Variants in DOCK4 observed in about 807,000 individuals in gnomAD.
DOCK4 encodes the protein dedicator of cytokinesis 4.
In DOCK4, 97 loss-of-function variants were observed where a neutral mutation model predicts 268.1. The observed-to-expected ratio is 0.36, with a 90% CI of 0.31 to 0.43. DOCK4 has a LOEUF of 0.43. Among genes scored for constraint, DOCK4 ranks in the 20% least tolerant of loss-of-function variants. The pLI is 1.00. For missense variants in DOCK4, 2,145 were observed against 2,455.7 expected, an observed-to-expected ratio of 0.87 and a Z score of 2.67; for synonymous variants, 954 against 887.2, an observed-to-expected ratio of 1.08 and a Z score of -1.34.
At chr7:112,061,741 A>ACT (rs1806418915) in intron 1 of DOCK4, among the ~76,000 whole-genome samples, 2 of 79,252 alleles carry the variant, frequency 2.5e-5, no homozygotes, top group African/African-American at 9.0e-5. Context: ...TAACAATGTC[A>ACT]CACACACACA....
intron 1 of DOCK4, among the ~76,000 whole-genome samples, chr7:112,031,840 A>G (rs184211370): frequency 4.1e-4 from 62 of 152,342 alleles, no homozygotes; most frequent in Admixed American, 1.2e-3. Flanking sequence ...GAACATGTCA[A>G]AAAAGTGTCT....
chr7:111,771,812 C>T (rs1384483464), intron 36 of DOCK4, among the ~76,000 whole-genome samples: 1 of 152,198 alleles, frequency 6.6e-6, no homozygotes, highest in Non-Finnish European at 1.5e-5. Context: ...CTAAGGGCCT[C>T]ACAGCTTGTG....
At chr7:112,170,575 T>C (rs949910678) in intron 1 of DOCK4, among the ~76,000 whole-genome samples, 4 of 152,168 alleles carry the variant, frequency 2.6e-5, no homozygotes, top group Non-Finnish European at 4.4e-5. Context: ...ATTACATTCA[T>C]AATGATGACC....
At chr7:111,913,480 G>A (rs1358142409) in intron 13 of DOCK4, among the ~76,000 whole-genome samples, 1 of 145,322 alleles carries the variant, frequency 6.9e-6, no homozygotes, top group African/African-American at 2.6e-5. Flanking sequence ...CGCGATCTCC[G>A]CTCACTGCAA....
intron 8 of DOCK4, among the ~76,000 whole-genome samples, chr7:111,961,491 C>T (rs1293760182): frequency 6.6e-6 from 1 of 152,150 alleles, no homozygotes; most frequent in Non-Finnish European, 1.5e-5. Context: ...ACTGGAATTC[C>T]CTCACCTTTG....
intron 1 of DOCK4, 101 bp from the exon 2 acceptor site, chr7:112,004,232 A>T (rs1246984127): frequency 1.1e-6 from 1 of 870,936 alleles, no homozygotes; most frequent in Non-Finnish European, 1.8e-6. Flanking sequence ...AGGAAGTATA[A>T]TTTGATAGCT....
At chr7:112,126,543 A>G (rs978332986) in intron 1 of DOCK4, among the ~76,000 whole-genome samples, 1 of 152,136 alleles carries the variant, frequency 6.6e-6, no homozygotes, top group African/African-American at 2.4e-5. Flanking sequence ...GCAACAAAAG[A>G]CAAAATTGAC....
At chr7:111,847,796 A>G (rs913539924) in intron 23 of DOCK4, among the ~76,000 whole-genome samples, 9 of 152,064 alleles carry the variant, frequency 5.9e-5, no homozygotes, top group African/African-American at 2.2e-4. Context: ...CTTTTTCTTT[A>G]TAACTTACCC....
At chr7:111,861,858 G>GAA (rs1805563081) in intron 23 of DOCK4, among the ~76,000 whole-genome samples, 1 of 151,122 alleles carries the variant, frequency 6.6e-6, no homozygotes. Context: ...TTGTAAAGAA[G>GAA]AAAAAACCAT....
At chr7:111,995,263 C>G (rs1342051882) in intron 4 of DOCK4, among the ~76,000 whole-genome samples, 2 of 152,000 alleles carry the variant, frequency 1.3e-5, no homozygotes, top group African/African-American at 4.8e-5. Context: ...AATATCCTGA[C>G]CTTGTGATCT....
At chr7:111,837,812 C>T (rs1180553859) in intron 25 of DOCK4, among the ~76,000 whole-genome samples, 1 of 152,014 alleles carries the variant, frequency 6.6e-6, no homozygotes, top group Non-Finnish European at 1.5e-5. Context: ...TTTGGCTGGG[C>T]GTGGTGGCTC....
At chr7:112,159,512 A>G (rs902126860) in intron 1 of DOCK4, among the ~76,000 whole-genome samples, 11 of 152,006 alleles carry the variant, frequency 7.2e-5, no homozygotes, top group Admixed American at 6.6e-4. Context: ...ACACTCCTCA[A>G]CTACAGACAA....
chr7:112,039,143 T>C (rs1442997695), intron 1 of DOCK4, among the ~76,000 whole-genome samples: 2 of 152,072 alleles, frequency 1.3e-5, no homozygotes, highest in African/African-American at 4.8e-5. Flanking sequence ...ATCTCCAAGA[T>C]CCCCCAGAAT....
At chr7:112,102,305 G>A (rs374474292) in intron 1 of DOCK4, among the ~76,000 whole-genome samples, 9 of 152,254 alleles carry the variant, frequency 5.9e-5, no homozygotes, top group African/African-American at 2.2e-4. Context: ...AAGAAACACT[G>A]TGAATGCTTA....
chr7:112,153,008 A>G (rs958671083), intron 1 of DOCK4, among the ~76,000 whole-genome samples: 1 of 152,202 alleles, frequency 6.6e-6, no homozygotes, highest in Admixed American at 6.5e-5. Flanking sequence ...CAGAATGCCA[A>G]TGTCACTTTC....
intron 1 of DOCK4, among the ~76,000 whole-genome samples, chr7:112,191,869 G>C (rs559388071): frequency 3.3e-5 from 5 of 151,398 alleles, no homozygotes; most frequent in East Asian, 1.9e-4. Flanking sequence ...GTTTTCCTCT[G>C]CCTGCCCACT....
intron 25 of DOCK4, among the ~76,000 whole-genome samples, chr7:111,841,903 T>C (rs1803728179): frequency 6.6e-6 from 1 of 152,244 alleles, no homozygotes; most frequent in African/African-American, 2.4e-5. Flanking sequence ...TTGTACGCTC[T>C]GCACGTCGAT....
At chr7:112,092,426 T>C (rs1809720091) in intron 1 of DOCK4, among the ~76,000 whole-genome samples, 1 of 152,162 alleles carries the variant, frequency 6.6e-6, no homozygotes, top group Admixed American at 6.5e-5. Flanking sequence ...CTCAATTATG[T>C]GTCTGCAAAA....
intron 49 of DOCK4, 51 bp downstream of exon 49, chr7:111,739,082 GC>G (rs1468328746): frequency 4.1e-5 from 61 of 1,501,190 alleles, no homozygotes; most frequent in Non-Finnish European, 5.3e-5. Context: ...AGATAGGTAA[GC>G]AATTCCAGAA....
Sources: allele counts gnomAD v4.1 joint callset (sites outside exome capture counted in the v4.1 genomes callset), GRCh38; gene constraint gnomAD v4.1.1; transcripts MANE v1.5; gene names NCBI Gene and HGNC (gene_info 2026-07-23, HGNC 2026-07-21).